Variants in NOL11 observed in about 807,000 individuals in gnomAD.
NOL11 encodes nucleolar protein 11.
NOL11 carries 42 observed loss-of-function variants against 93.0 expected under a neutral mutation model. The ratio of observed to expected loss-of-function variants is 0.45; its 90% CI spans 0.35 to 0.58. NOL11 has a LOEUF of 0.58. NOL11 is among the 20% of genes least tolerant of loss of function. The pLI, the probability that NOL11 is intolerant of heterozygous loss-of-function variation, is 0.00. For synonymous variants in NOL11, 296 were observed against 293.7 expected, an observed-to-expected ratio of 1.01 and a Z score of -0.08; for missense variants, 775 against 841.8, an observed-to-expected ratio of 0.92 and a Z score of 0.98.
chr17:67,723,997 A>G, intron 5 of NOL11, 52 bp from the exon 6 acceptor site: 1 of 1,339,938 alleles, frequency 7.5e-7, no homozygotes, highest in South Asian at 1.4e-5. Flanking sequence ...ACATATGTTA[A>G]AATACTTGGT....
Position 67,736,742 on chromosome 17 carries a change from G to C in NOL11, c.1131G>C (p.Gln377His). 6.2e-6 allele frequency: 10 copies of C among 1,610,726 alleles called. No homozygotes were observed. The highest frequency in any genetic ancestry group is 8.5e-6 in the Non-Finnish European group (10 of 1,177,872). ...GACTTGGGTTCCAGAACTCAGAGCA[G>C]TCAAGAAGAATTGTAAGTTTCGTAG... ...GCGLGFQNSE[Q>H]SRRILRRRKI... The change falls in exon 10 of 18, where the codon CAG becomes CAC. Residue 377 changes from glutamine (Q) to histidine (H), a missense_variant. Physicochemically the swap from Gln to His is conservative, Grantham distance 24 (BLOSUM62 0). This residue lies in a region of NOL11 where 416 missense variants were observed against 525.2 expected (regional missense o/e 0.79). Transcript: ENST00000253247.
At position 67,737,491 on chromosome 17, in the gene NOL11, T is replaced by C. The variant is rs2055212895; in HGVS notation, c.1219-17T>C. The C allele has an allele frequency of 1.3e-6, 2 of 1,585,484 alleles. No individual in the cohort carries two copies. Among genetic ancestry groups the C allele is most frequent in the South Asian group, 1.2e-5 (1 of 86,206 alleles). ...CGTTAATGTGCCAAACTGAATTCTT[T>C]AATTCTGCGCTTTCAGAAAGATTCA... On this transcript the variant is annotated splice_polypyrimidine_tract_variant and intron_variant, in intron 11 of 17. Coordinates refer to ENST00000253247, the MANE Select transcript of NOL11 (RefSeq NM_015462.5).
rs767192630 is a variant in NOL11, at chr17:67,721,487, A to G, written c.422A>G (p.Gln141Arg). 43 of 1,613,960 alleles carry G rather than the reference A, an allele frequency of 2.7e-5. No homozygotes were observed. In the Admixed American group the frequency reaches 5.2e-4, roughly 19 times the overall value. ...GAGGCCTTGCTTGCAGACCCCCAGC[A>G]GAAAATTGAAACTGTTATCTCTGAT... Reference protein sequence around the residue: ...GLEALLADPQQKIETVISDEE... With the variant: ...GLEALLADPQRKIETVISDEE... The change falls in exon 4 of 18, where the codon CAG becomes CGG. Residue 141 changes from glutamine to arginine, a missense_variant. Gln to Arg is a conservative substitution (Grantham distance 43). This residue lies in a region of NOL11 where 359 missense variants were observed against 316.5 expected (regional missense o/e 1.13). Transcript: ENST00000253247.
Position 67,724,137 on chromosome 17 carries a change from T to C in NOL11, c.608T>C (p.Val203Ala). The C allele has an allele frequency of 6.3e-7, 1 of 1,593,844 alleles. No individual in the cohort carries two copies. The highest frequency in any genetic ancestry group is 1.1e-5 in the South Asian group (1 of 89,562). Residue 203 changes from valine to alanine, a missense_variant, in exon 6 of 18, where the codon GTT (valine) becomes GCT (alanine). Val to Ala is a moderately conservative substitution (Grantham distance 64). Around this residue, in one of 2 missense-constraint regions of NOL11, gnomAD observed 359 missense variants for 316.5 expected, o/e 1.13. Transcript: ENST00000253247. ...TTACTTGGACAAGACGAAAACTCTG[T>C]TATAAAGAGTTTTACTGCATCTGTA... ...TLLLGQDENS[V>A]IKSFTASVDR...
At chr17:67,741,378 A>G (rs934885588) in intron 16 of NOL11, among the ~76,000 whole-genome samples, 9 of 151,484 alleles carry the variant, frequency 5.9e-5, no homozygotes, top group Admixed American at 2.0e-4. Context: ...GCAAACTACA[A>G]TTTTTTTATT....
In NOL11 at chr17:67,743,530, A is replaced by C; in HGVS notation, c.1987A>C (p.Met663Leu). The change falls in exon 17 of 18, where the codon ATG (methionine) becomes CTG (leucine). Residue 663 changes from methionine to leucine, a missense_variant. Around this residue, in one of 2 missense-constraint regions of NOL11, gnomAD observed 416 missense variants for 525.2 expected, o/e 0.79. Transcript: ENST00000253247. ...GGATGCAAATTTTACTGTTGTTGTA[A>C]TGATGCCAGAAGCAAAGAGGCTACT... ...LLDANFTVVV[M>L]MPEAKRLLIN... is the part of the protein sequence containing the mutation. The C allele has an allele frequency of 6.2e-7, 1 of 1,606,632 alleles. No individual in the cohort carries two copies. The highest frequency in any genetic ancestry group is 8.5e-7 in the Non-Finnish European group (1 of 1,175,178).
At chr17:67,733,373 C>CA (rs1191742187) in intron 7 of NOL11, among the ~76,000 whole-genome samples, 2 of 152,142 alleles carry the variant, frequency 1.3e-5, no homozygotes, top group East Asian at 3.9e-4. Context: ...TCAAAACAAA[C>CA]AAACAAAAAT....
chr17:67,723,682 C>T (rs2055057795), intron 5 of NOL11, among the ~76,000 whole-genome samples: 1 of 151,880 alleles, frequency 6.6e-6, no homozygotes, highest in African/African-American at 2.4e-5. Context: ...CCACCAAGCC[C>T]AGCCTCTAAC....
chr17:67,718,119 C>G (rs3760225), intron 1 of NOL11, 31 bp downstream of exon 1: 16 of 1,602,002 alleles, frequency 1.0e-5, no homozygotes, highest in Non-Finnish European at 1.3e-5. Context: ...AGCGCCCCGA[C>G]TGCCTTCTCG....
chr17:67,736,959 T>A (rs1032418558), intron 10 of NOL11, 112 bp from the exon 11 acceptor site: 1 of 798,732 alleles, frequency 1.3e-6, no homozygotes, highest in Non-Finnish European at 2.0e-6. Flanking sequence ...TTTTAAAAGT[T>A]TTTGATGAGA....
chr17:67,730,807 CT>C (rs1204584611), intron 7 of NOL11, among the ~76,000 whole-genome samples: 1 of 152,218 alleles, frequency 6.6e-6, no homozygotes, highest in African/African-American at 2.4e-5. Context: ...TAGTTATACT[CT>C]TTTCGTTGTT....
chr17:67,734,176 C>A (rs1599044201), intron 7 of NOL11, among the ~76,000 whole-genome samples, 187 bp from the exon 8 acceptor site: 2 of 152,246 alleles, frequency 1.3e-5, no homozygotes, highest in African/African-American at 4.8e-5. Context: ...TTCCTCAGGG[C>A]TCACCTTTCC....
At chr17:67,737,792 C>A in intron 12 of NOL11, 55 bp from the exon 13 acceptor site, 1 of 1,584,778 alleles carries the variant, frequency 6.3e-7, no homozygotes, top group Non-Finnish European at 8.6e-7. Context: ...TATAAATGTT[C>A]TGCAGTTGAG....
At chr17:67,718,680 C>A (rs1297801754) in intron 1 of NOL11, among the ~76,000 whole-genome samples, 1 of 152,166 alleles carries the variant, frequency 6.6e-6, no homozygotes, top group African/African-American at 2.4e-5. Flanking sequence ...CAGCCTAAAG[C>A]CTGATAGAGA....
intron 9 of NOL11, 139 bp downstream of exon 9, chr17:67,736,162 C>A: frequency 1.3e-6 from 1 of 781,820 alleles, no homozygotes; most frequent in Non-Finnish European, 2.0e-6. Flanking sequence ...AACTTGTGAA[C>A]AGGCCAGGCA....
intron 4 of NOL11, 69 bp from the exon 5 acceptor site, chr17:67,722,511 T>C: frequency 6.6e-7 from 1 of 1,513,872 alleles, no homozygotes; most frequent in East Asian, 2.4e-5. Flanking sequence ...TGATTAAATT[T>C]TGATTGATAT....
At chr17:67,740,642 A>G (rs1157585005) in intron 16 of NOL11, 1 of 154,002 alleles carries the variant, frequency 6.5e-6, no homozygotes, top group Non-Finnish European at 1.5e-5. Context: ...AAAAAACAGT[A>G]AGAAACATTT....
Position 67,737,489 on chromosome 17 carries a change from T to C in NOL11, c.1219-19T>C. ...TTCGTTAATGTGCCAAACTGAATTC[T>C]TTAATTCTGCGCTTTCAGAAAGATT... On this transcript the variant is annotated intron_variant, in intron 11 of 17. Transcript: ENST00000253247. 1 of 1,584,704 alleles carries C rather than the reference T, an allele frequency of 6.3e-7. No individual in the cohort carries two copies. The highest frequency in any genetic ancestry group is 8.6e-7 in the Non-Finnish European group (1 of 1,168,258).
chr17:67,726,519 A>T lies in NOL11; in HGVS notation c.724A>T (p.Asn242Tyr). The T allele has an allele frequency of 2.5e-6, 4 of 1,614,142 alleles. No individual in the cohort carries two copies. Among genetic ancestry groups the T allele is most frequent in the Non-Finnish European group, 3.4e-6 (4 of 1,180,022 alleles). The change falls in exon 7 of 18, where the codon AAT becomes TAT. Residue 242 changes from asparagine (N) to tyrosine (Y), a missense_variant. By Grantham distance (143) the Asn-to-Tyr change is moderately radical. Transcript: ENST00000253247. ...AATACGTCCAGCTGACCCAGAAAAAAATCAGAGCTTAGTTAAATCACTGCT... is the reference window on the plus strand; with the variant it reads ...AATACGTCCAGCTGACCCAGAAAAATATCAGAGCTTAGTTAAATCACTGCT... ...IPIRPADPEKNQSLVKSLLLK... is the reference protein window; with the variant it reads ...IPIRPADPEKYQSLVKSLLLK...
Sources: gnomAD v4.1 joint callset for allele counts (sites outside exome capture counted in the v4.1 genomes callset) on GRCh38, gnomAD v4.1.1 for gene constraint, gnomAD v4.1.1 regional missense constraint, MANE v1.5 for transcripts, NCBI Gene and HGNC (gene_info 2026-07-23, HGNC 2026-07-21) for gene names.